PEAK1: variants seen among roughly 807,000 people sequenced by gnomAD.
PEAK1 encodes the protein inactive tyrosine-protein kinase PEAK1.
In PEAK1, 54 loss-of-function variants were observed where a neutral mutation model predicts 124.7. The ratio of observed to expected loss-of-function variants is 0.43; its 90% confidence interval spans 0.35 to 0.54. The LOEUF (loss-of-function observed/expected upper bound fraction) is 0.54, where lower values mean the gene tolerates loss of function less well. Among genes scored for constraint, PEAK1 ranks in the 20% least tolerant of loss-of-function variants. PEAK1 has a pLI of 0.01. For synonymous variants in PEAK1, 719 were observed against 760.0 expected (o/e 0.95, Z 0.89); for missense variants, 2,046 against 2,134.5 (o/e 0.96, Z 0.82).
chr15:77,209,904 ATGTATTGT>A (rs923320793), intron 6 of PEAK1, among the ~76,000 whole-genome samples: 1 of 152,202 alleles, frequency 6.6e-6, no homozygotes, highest in African/African-American at 2.4e-5. Flanking sequence ...AAGATAATAA[ATGTATTGT>A]TTTAAACAAT....
rs1567357948 is a variant in PEAK1 at position 77,403,255 on chromosome 15, CCAA to C, written c.-666+16748_-666+16750del. 4 of 985,098 alleles carry C rather than the reference CCAA, an allele frequency of 4.1e-6. No homozygotes were observed. The South Asian group carries it at 1.4e-4, about 35-fold the overall frequency. 61.0% of individuals were successfully genotyped at this position (985,098 alleles called of 1,614,324 possible). A position where few individuals can be genotyped will look rare whatever the true frequency, so the allele number is the denominator to read the frequency against. On this transcript the variant is annotated intron_variant, in intron 1 of 9. Transcript: ENST00000682557. ...AAGCAGTCAAGTCTATCTCCCAATA[CCAA>C]CAACAAGATTTCAAATTGTTTACTC...
rs1267263439 is a variant in PEAK1, at chr15:77,180,201, T to C, written c.1726A>G (p.Thr576Ala). ...HKSAPTSPTA[T>A]NISSKTIPVK... The stretch of plus-strand genomic sequence containing the variant: ...GGGATGGTTTTGGAGGAAATGTTTG[T>C]AGCTGTGGGTGATGTAGGTGCTGAT... Residue 576 changes from threonine (T) to alanine (A), a missense_variant, in exon 7 of 10, where the codon ACA (threonine) becomes GCA (alanine). Transcript: ENST00000682557. 1 of 1,614,090 alleles carries C rather than the reference T, an allele frequency of 6.2e-7. No homozygotes were observed. The highest frequency in any genetic ancestry group is 8.5e-7 in the Non-Finnish European group (1 of 1,180,038).
At position 77,180,914 on chromosome 15, in the gene PEAK1, G is replaced by A. The variant is rs779814546; in HGVS notation, c.1013C>T (p.Ser338Leu). ...AGAATCTGGTGATGTGGAGTCAGAT[G>A]ACACCATGCTCTGAATGCTTCCTTG... ...YGQGSIQSMVSSDSTSPDSSL... is the reference protein window; with the variant it reads ...YGQGSIQSMVLSDSTSPDSSL... Residue 338 changes from serine to leucine, a missense_variant, in exon 7 of 10, where the codon TCA (serine) becomes TTA (leucine). Ser to Leu is a moderately radical substitution (Grantham distance 145, BLOSUM62 -2). Coordinates refer to ENST00000682557, the MANE Select transcript of PEAK1 (RefSeq NM_001385026.1). 5.6e-6 allele frequency: 9 copies of A among 1,614,092 alleles called. No individual in the cohort carries two copies. The highest frequency in any genetic ancestry group is 7.6e-6 in the Non-Finnish European group (9 of 1,180,012).
At chr15:77,420,169 C>A (rs2073266386), upstream of PEAK1, 2 of 150,610 alleles carry the variant, frequency 1.3e-5, no homozygotes, top group South Asian at 1.8e-4. Flanking sequence ...GCTCGCCGCC[C>A]GCCCAGCCCA....
intron 6 of PEAK1, among the ~76,000 whole-genome samples, chr15:77,189,188 G>A (rs1353482425): frequency 1.3e-5 from 2 of 152,032 alleles, no homozygotes; most frequent in Non-Finnish European, 2.9e-5. Context: ...GCAACAGAGC[G>A]AGACTCTATC....
At chr15:77,275,027 G>C (rs975690454) in intron 5 of PEAK1, among the ~76,000 whole-genome samples, 5 of 152,132 alleles carry the variant, frequency 3.3e-5, no homozygotes, top group Admixed American at 6.5e-5. Flanking sequence ...AACCTAGATG[G>C]AACTGGAGAC....
intron 6 of PEAK1, among the ~76,000 whole-genome samples, chr15:77,209,808 A>C (rs1246690912): frequency 6.6e-6 from 1 of 152,232 alleles, no homozygotes; most frequent in Non-Finnish European, 1.5e-5. Context: ...ATTCTCCCTT[A>C]GAGCCTTCTG....
chr15:77,140,550 C>A (rs1273508804), intron 8 of PEAK1, among the ~76,000 whole-genome samples: 1 of 152,024 alleles, frequency 6.6e-6, no homozygotes, highest in Admixed American at 6.6e-5. Context: ...AACACCTTTC[C>A]ATAATAATAA....
intron 7 of PEAK1, among the ~76,000 whole-genome samples, chr15:77,163,265 T>G (rs1177772450): frequency 6.6e-6 from 1 of 152,240 alleles, no homozygotes; most frequent in African/African-American, 2.4e-5. Flanking sequence ...GACCTAATAC[T>G]TAAAAAACCA....
intron 6 of PEAK1, among the ~76,000 whole-genome samples, chr15:77,185,852 G>A (rs2057519471): frequency 6.6e-6 from 1 of 152,182 alleles, no homozygotes; most frequent in Admixed American, 6.5e-5. Context: ...ACAATACTTA[G>A]AATGTTAAAA....
downstream of PEAK1, chr15:77,103,328 G>C (rs911927748): frequency 1.3e-5 from 2 of 152,030 alleles, no homozygotes; most frequent in African/African-American, 2.4e-5. Context: ...GTATTTTTTT[G>C]TAGAGATGGA....
intron 2 of PEAK1, among the ~76,000 whole-genome samples, chr15:77,315,088 A>G (rs1039424462): frequency 6.6e-5 from 10 of 152,196 alleles, no homozygotes; most frequent in Non-Finnish European, 1.5e-4. Context: ...GAAAAAGACA[A>G]CAGTATTACC....
chr15:77,320,928 C>T (rs1008447714), intron 2 of PEAK1, among the ~76,000 whole-genome samples: 18 of 151,874 alleles, frequency 1.2e-4, no homozygotes, highest in Middle Eastern at 3.4e-3. Flanking sequence ...TTTGTCCTTG[C>T]GACACTTTGC....
At position 77,286,456 on chromosome 15, in the gene PEAK1, T is replaced by C; in HGVS notation, c.-554A>G. The C allele has an allele frequency of 8.1e-7, 1 of 1,229,894 alleles. No homozygotes were observed. The highest frequency in any genetic ancestry group is 1.0e-6 in the Non-Finnish European group (1 of 986,494). The allele number at this position is 1,229,894 out of a possible 1,614,324, so 76.2% of individuals were successfully genotyped here. A position where few individuals can be genotyped will look rare whatever the true frequency, so the allele number is the denominator to read the frequency against. On this transcript the variant is annotated 5_prime_UTR_variant, in exon 3 of 10. Coordinates refer to ENST00000682557, the MANE Select transcript of PEAK1 (RefSeq NM_001385026.1). ...ATTGGCTCCAACTCTGGGCATTATG[T>C]TGTTGCTTCCTTTTCTTTCCTTACA...
intron 1 of PEAK1, among the ~76,000 whole-genome samples, chr15:77,376,399 G>T (rs979060120): frequency 6.6e-6 from 1 of 151,928 alleles, no homozygotes; most frequent in Non-Finnish European, 1.5e-5. Flanking sequence ...GGGTGGGGGG[G>T]AAGTACCTGC....
chr15:77,352,552 T>C, intron 2 of PEAK1: 1 of 957,604 alleles, frequency 1.0e-6, no homozygotes, highest in Non-Finnish European at 1.2e-6. Flanking sequence ...ATATATATAC[T>C]TTAGAAATAT....
At chr15:77,119,086 G>T (rs2051668502) in intron 9 of PEAK1, among the ~76,000 whole-genome samples, 1 of 82,354 alleles carries the variant, frequency 1.2e-5, no homozygotes, top group Non-Finnish European at 3.5e-5. Context: ...TACACCATAG[G>T]GCCTCTTTCT....
At chr15:77,178,604 G>T in intron 7 of PEAK1, 186 bp downstream of exon 7, 1 of 649,430 alleles carries the variant, frequency 1.5e-6, no homozygotes, top group Non-Finnish European at 2.6e-6. Flanking sequence ...TATAAACCTT[G>T]TTCAGTGCAG....
intron 2 of PEAK1, among the ~76,000 whole-genome samples, chr15:77,330,189 G>A (rs758851759): frequency 2.6e-5 from 4 of 152,008 alleles, no homozygotes; most frequent in Non-Finnish European, 4.4e-5. Flanking sequence ...ACCAAATAGA[G>A]ATTAACTATT....
Sources: allele counts gnomAD v4.1 joint callset (sites outside exome capture counted in the v4.1 genomes callset), GRCh38; gene constraint gnomAD v4.1.1; transcripts MANE v1.5; gene names NCBI Gene and HGNC (gene_info 2026-07-23, HGNC 2026-07-21).